RGS8: variants seen among roughly 807,000 people sequenced by gnomAD.
The protein encoded by RGS8 is regulator of G protein signaling 8.
Under a neutral mutation model 21.7 loss-of-function variants are expected in RGS8, and 8 were observed. The observed-to-expected ratio is 0.37, with a 90% CI of 0.22 to 0.66. The LOEUF is 0.66. Ranked by LOEUF, RGS8 falls within the 30% of genes least tolerant of loss-of-function variation. The pLI is 0.59. For synonymous variants in RGS8, 80 were observed against 83.6 expected (o/e 0.96, Z 0.24); for missense variants, 157 against 217.9 (o/e 0.72, Z 1.76).
At chr1:182,744,198 T>A in the RGS8 span, among the ~76,000 whole-genome samples, 1 of 152,124 alleles carries the variant, frequency 6.6e-6, no homozygotes, top group South Asian at 2.1e-4. Flanking sequence ...TACTCTCTCA[T>A]CCAAGCTGAC....
chr1:182,646,313 T>G, exon 7 of RGS8: 1 of 163,850 alleles, frequency 6.1e-6, no homozygotes, highest in East Asian at 1.7e-4. Context: ...TGAGCCCAAG[T>G]CTTTCAGCTA....
At chr1:182,726,395 G>A in the RGS8 span, among the ~76,000 whole-genome samples, 3 of 152,148 alleles carry the variant, frequency 2.0e-5, no homozygotes, top group African/African-American at 7.2e-5. Flanking sequence ...CCACGGCCAG[G>A]TGCGGTGGCT....
At chr1:182,724,915 T>C in the RGS8 span, among the ~76,000 whole-genome samples, 2 of 152,222 alleles carry the variant, frequency 1.3e-5, no homozygotes, top group Non-Finnish European at 2.9e-5. Context: ...GGCATTGATA[T>C]CATTCTGTCA....
At chr1:182,743,955 C>T in the RGS8 span, among the ~76,000 whole-genome samples, 1 of 152,146 alleles carries the variant, frequency 6.6e-6, no homozygotes, top group South Asian at 2.1e-4. Flanking sequence ...ACTACCTCTT[C>T]CTGAAACTAT....
intron 5 of RGS8, among the ~76,000 whole-genome samples, chr1:182,662,077 G>T: frequency 6.6e-6 from 1 of 152,132 alleles, no homozygotes; most frequent in East Asian, 1.9e-4. Flanking sequence ...CACTTTGTAT[G>T]GCATTTGTAA....
intron 5 of RGS8, among the ~76,000 whole-genome samples, chr1:182,655,816 T>C (rs369387777): frequency 5.1e-5 from 4 of 77,740 alleles, no homozygotes; most frequent in African/African-American, 1.5e-4. Flanking sequence ...AATTCCATCC[T>C]TCTCCTCATC....
At chr1:182,696,515 A>G in the RGS8 span, among the ~76,000 whole-genome samples, 8 of 151,730 alleles carry the variant, frequency 5.3e-5, no homozygotes, top group Admixed American at 1.3e-4. Context: ...CCACCACCAC[A>G]CCTGGCTAAT....
At chr1:182,742,137 G>T in the RGS8 span, among the ~76,000 whole-genome samples, 1 of 148,122 alleles carries the variant, frequency 6.8e-6, no homozygotes, top group Non-Finnish European at 1.5e-5. Context: ...CATCTCAGAC[G>T]ATGGGCGGCC....
the RGS8 span, among the ~76,000 whole-genome samples, chr1:182,733,467 G>A: frequency 6.6e-6 from 1 of 152,158 alleles, no homozygotes; most frequent in Non-Finnish European, 1.5e-5. Context: ...TTGACAGAGT[G>A]GGACAAATAA....
At chr1:182,733,239 C>G in the RGS8 span, among the ~76,000 whole-genome samples, 1 of 152,288 alleles carries the variant, frequency 6.6e-6, no homozygotes, top group Non-Finnish European at 1.5e-5. Flanking sequence ...AATTTTGCAG[C>G]AAGATTATTT....
chr1:182,682,333 T>C (rs150426220), intron 1 of RGS8, among the ~76,000 whole-genome samples: 14 of 152,294 alleles, frequency 9.2e-5, no homozygotes, highest in Non-Finnish European at 2.1e-4. Flanking sequence ...GGCATATTTC[T>C]GCACCCTTGC....
chr1:182,740,371 G>T, the RGS8 span, among the ~76,000 whole-genome samples: 1 of 152,070 alleles, frequency 6.6e-6, no homozygotes, highest in Non-Finnish European at 1.5e-5. Context: ...GCTCTGTGCT[G>T]AGCACTATAC....
intron 5 of RGS8, among the ~76,000 whole-genome samples, chr1:182,649,563 C>T (rs1662895619): frequency 6.6e-6 from 1 of 152,108 alleles, no homozygotes; most frequent in Non-Finnish European, 1.5e-5. Flanking sequence ...ATTAATATGG[C>T]TTTTCATTTT....
downstream of RGS8, chr1:182,645,187 T>C (rs529134049): frequency 6.6e-6 from 1 of 152,386 alleles, no homozygotes; most frequent in East Asian, 1.9e-4. Context: ...AGCCCAGTTC[T>C]CAATCATCTG....
chr1:182,697,759 C>T, the RGS8 span, among the ~76,000 whole-genome samples: 5 of 152,026 alleles, frequency 3.3e-5, no homozygotes, highest in Non-Finnish European at 7.4e-5. Context: ...GTGGTAAGGT[C>T]GGTGACTATC....
intron 5 of RGS8, among the ~76,000 whole-genome samples, chr1:182,659,018 T>C (rs1463143119): frequency 3.9e-5 from 6 of 152,244 alleles, no homozygotes. Context: ...CATTAGTATA[T>C]ATGTAGCAAG....
chr1:182,739,042 C>T, the RGS8 span, among the ~76,000 whole-genome samples: 3 of 152,174 alleles, frequency 2.0e-5, no homozygotes, highest in Non-Finnish European at 4.4e-5. Context: ...TCTCCTCACC[C>T]CTGAAATAAA....
the RGS8 span, among the ~76,000 whole-genome samples, chr1:182,710,088 C>T: frequency 6.6e-6 from 1 of 152,110 alleles, no homozygotes; most frequent in African/African-American, 2.4e-5. Flanking sequence ...TTTTTACCAG[C>T]GAAGGATACA....
chr1:182,650,313 C>T (rs943493733), intron 5 of RGS8, among the ~76,000 whole-genome samples: 1 of 152,178 alleles, frequency 6.6e-6, no homozygotes, highest in Non-Finnish European at 1.5e-5. Flanking sequence ...ATTGCTGGTG[C>T]CATGCTGTTG....
Sources: gnomAD v4.1 joint callset for allele counts (sites outside exome capture counted in the v4.1 genomes callset) on GRCh38, gnomAD v4.1.1 for gene constraint, MANE v1.5 for transcripts, NCBI Gene and HGNC (gene_info 2026-07-23, HGNC 2026-07-21) for gene names.